Variants in NEK11 observed in about 807,000 individuals in gnomAD.
The protein encoded by NEK11 is serine/threonine-protein kinase Nek11.
Under a neutral mutation model 80.7 loss-of-function variants are expected in NEK11, and 72 were observed. That is an observed-to-expected ratio of 0.89 (90% confidence interval 0.74 to 1.08). NEK11 has a LOEUF of 1.08. NEK11 is among the 50% of genes least tolerant of loss of function. The pLI is 0.00. For synonymous variants in NEK11, 251 were observed against 260.7 expected, an observed-to-expected ratio of 0.96 and a Z score of 0.36; for missense variants, 764 against 763.6, an observed-to-expected ratio of 1.00 and a Z score of -0.01.
intron 4 of NEK11, among the ~76,000 whole-genome samples, chr3:131,091,959 G>A (rs1436778701): frequency 1.3e-5 from 2 of 152,176 alleles, no homozygotes; most frequent in African/African-American, 4.8e-5. Context: ...ATTTGGGCAT[G>A]GTGTGATGAT....
At chr3:131,348,607 G>C (rs576173842) in intron 17 of NEK11, among the ~76,000 whole-genome samples, 2 of 151,366 alleles carry the variant, frequency 1.3e-5, no homozygotes, top group Non-Finnish European at 2.9e-5. Context: ...ACCAAATGTT[G>C]CCCATAGGTC....
At chr3:131,068,680 T>A (rs2072545592) in intron 3 of NEK11, among the ~76,000 whole-genome samples, 1 of 152,136 alleles carries the variant, frequency 6.6e-6, no homozygotes, top group Non-Finnish European at 1.5e-5. Context: ...TTTGTGACTT[T>A]GTGTGTGTTA....
intron 14 of NEK11, among the ~76,000 whole-genome samples, chr3:131,180,434 T>C (rs2093281627): frequency 6.6e-6 from 1 of 152,212 alleles, no homozygotes; most frequent in African/African-American, 2.4e-5. Context: ...AAATAATATA[T>C]TGACTTGTAC....
At chr3:131,217,593 T>C (rs2094885282) in intron 14 of NEK11, among the ~76,000 whole-genome samples, 2 of 152,174 alleles carry the variant, frequency 1.3e-5, no homozygotes, top group African/African-American at 4.8e-5. Flanking sequence ...AGATGGTACA[T>C]TTATGCTAAG....
chr3:131,291,873 T>C (rs1027845476), intron 17 of NEK11, among the ~76,000 whole-genome samples: 3 of 152,334 alleles, frequency 2.0e-5, no homozygotes, highest in African/African-American at 7.2e-5. Flanking sequence ...TTTGCAAATA[T>C]CTTCTCCCAG....
chr3:131,037,034 G>A (rs1053170750), intron 3 of NEK11, among the ~76,000 whole-genome samples: 6 of 151,902 alleles, frequency 3.9e-5, no homozygotes, highest in Non-Finnish European at 7.4e-5. Context: ...GTCATTTAAC[G>A]GCCACTTGTT....
chr3:131,058,942 T>C (rs2070244969), intron 3 of NEK11, among the ~76,000 whole-genome samples: 2 of 152,160 alleles, frequency 1.3e-5, no homozygotes. Flanking sequence ...GTATTAACAA[T>C]AGTGTAACTT....
chr3:131,233,213 G>A (rs1013615245), intron 15 of NEK11, among the ~76,000 whole-genome samples: 47 of 152,266 alleles, frequency 3.1e-4, no homozygotes, highest in Non-Finnish European at 2.4e-4. Context: ...AAGAGGGAGC[G>A]CAAGGTGTGT....
intron 4 of NEK11, among the ~76,000 whole-genome samples, chr3:131,086,987 G>A (rs985341616): frequency 6.6e-6 from 1 of 152,044 alleles, no homozygotes; most frequent in African/African-American, 2.4e-5. Flanking sequence ...TCTTAAGAGA[G>A]TATAACATAT....
chr3:131,337,472 G>A (rs957140756), intron 17 of NEK11, among the ~76,000 whole-genome samples: 2 of 151,752 alleles, frequency 1.3e-5, no homozygotes, highest in African/African-American at 4.8e-5. Flanking sequence ...TTGTGGGGTG[G>A]GGGGAGTGGG....
intron 4 of NEK11, among the ~76,000 whole-genome samples, chr3:131,095,401 A>G (rs1277713208): frequency 1.3e-5 from 2 of 152,196 alleles, no homozygotes; most frequent in South Asian, 2.1e-4. Context: ...AATAGCTTTC[A>G]GGAAAATACC....
rs72628538 is a variant in NEK11, at chr3:131,109,388, G to A, written c.337-415G>A. On this transcript the variant is annotated intron_variant, in intron 4 of 17. Coordinates refer to ENST00000383366, the MANE Select transcript of NEK11 (RefSeq NM_024800.5). ...TAAACTCATGTGGGTTTGTTATCTGGTGCTCATCAAAGTTAGACTCCTAAC... is the reference window on the plus strand; with the variant it reads ...TAAACTCATGTGGGTTTGTTATCTGATGCTCATCAAAGTTAGACTCCTAAC... The A allele has an allele frequency of 0.016, 2,445 of 153,262 alleles. 188 individuals carry two copies. In the East Asian group the frequency reaches 0.23, roughly 14 times the overall value. 9.5% of individuals were successfully genotyped at this position (153,262 alleles called of 1,614,324 possible).
intron 3 of NEK11, among the ~76,000 whole-genome samples, chr3:131,038,803 T>C (rs2066022044): frequency 6.6e-6 from 1 of 152,218 alleles, no homozygotes; most frequent in South Asian, 2.1e-4. Flanking sequence ...TGTTAGATTT[T>C]CAGACTTATT....
chr3:131,056,885 G>A (rs1341041688), intron 3 of NEK11, among the ~76,000 whole-genome samples: 1 of 151,618 alleles, frequency 6.6e-6, no homozygotes, highest in Admixed American at 6.6e-5. Flanking sequence ...TTTTTCTGTT[G>A]TTGTTGTTTT....
chr3:131,247,914 A>G (rs1448593616), intron 16 of NEK11, among the ~76,000 whole-genome samples: 1 of 150,374 alleles, frequency 6.7e-6, no homozygotes, highest in African/African-American at 2.4e-5. Flanking sequence ...TTATTGGTGT[A>G]CAGAAATGCC....
chr3:131,264,335 T>C (rs1376717270), intron 16 of NEK11, among the ~76,000 whole-genome samples: 5 of 152,260 alleles, frequency 3.3e-5, no homozygotes. Flanking sequence ...CTAGGATTTT[T>C]ATGGTTTTAG....
intron 3 of NEK11, among the ~76,000 whole-genome samples, chr3:131,079,593 CA>C (rs1308991428): frequency 6.6e-6 from 1 of 152,076 alleles, no homozygotes; most frequent in Non-Finnish European, 1.5e-5. Flanking sequence ...ATTTGTTTAT[CA>C]GACTCTTTTT....
chr3:131,103,987 G>C (rs2078788807), intron 4 of NEK11, among the ~76,000 whole-genome samples: 1 of 152,190 alleles, frequency 6.6e-6, no homozygotes, highest in Admixed American at 6.5e-5. Context: ...CCAAAGAAAT[G>C]CATAGCTATG....
chr3:131,213,191 CCACACACA>C (rs3050805), intron 14 of NEK11, among the ~76,000 whole-genome samples: 9 of 149,104 alleles, frequency 6.0e-5, no homozygotes, highest in Non-Finnish European at 8.9e-5. Context: ...CCACCCATCT[CCACACACA>C]CACACACACA....
Sources: gnomAD v4.1 joint callset for allele counts (sites outside exome capture counted in the v4.1 genomes callset) on GRCh38, gnomAD v4.1.1 for gene constraint, MANE v1.5 for transcripts, NCBI Gene and HGNC (gene_info 2026-07-23, HGNC 2026-07-21) for gene names.